The following NFIA variants were observed in gnomAD, a reference collection of about 807,000 sequenced individuals.
NFIA encodes the protein nuclear factor 1 A-type.
A neutral mutation model predicts 62.8 loss-of-function variants in NFIA; 8 were observed. The observed-to-expected ratio is 0.13, with a 90% CI of 0.07 to 0.23. The LOEUF is 0.23. Among genes scored for constraint, NFIA ranks in the 10% least tolerant of loss-of-function variants. NFIA has a pLI of 1.00. For synonymous variants in NFIA, 235 were observed against 238.1 expected (o/e 0.99, Z 0.12); for missense variants, 410 against 642.1 (o/e 0.64, Z 3.91).
intron 1 of NFIA, among the ~76,000 whole-genome samples, chr1:61,087,778 AG>A (rs1646244404): frequency 6.6e-6 from 1 of 152,200 alleles, no homozygotes; most frequent in East Asian, 1.9e-4. Context: ...GGACAAAATT[AG>A]ATATGCCTTC....
intron 6 of NFIA, among the ~76,000 whole-genome samples, chr1:61,382,833 G>C (rs1664486362): frequency 6.6e-6 from 1 of 152,064 alleles, no homozygotes; most frequent in Non-Finnish European, 1.5e-5. Flanking sequence ...AAGTGATTTG[G>C]TGTCAAAGCA....
At chr1:61,101,128 G>C (rs2100435970) in intron 2 of NFIA, among the ~76,000 whole-genome samples, 1 of 152,192 alleles carries the variant, frequency 6.6e-6, no homozygotes, top group East Asian at 1.9e-4. Context: ...AGGCACAGTG[G>C]CTCATGCCTG....
At chr1:61,410,622 A>T (rs1204972705) in intron 9 of NFIA, among the ~76,000 whole-genome samples, 1 of 152,068 alleles carries the variant, frequency 6.6e-6, no homozygotes, top group African/African-American at 2.4e-5. Flanking sequence ...AAATATAGGG[A>T]CTGGGCTTCG....
chr1:61,332,127 A>G (rs1355996012), intron 3 of NFIA, among the ~76,000 whole-genome samples: 2 of 152,220 alleles, frequency 1.3e-5, no homozygotes, highest in Non-Finnish European at 2.9e-5. Context: ...TTAGAGAATA[A>G]TGTTTAAAAA....
intron 2 of NFIA, among the ~76,000 whole-genome samples, chr1:61,221,897 C>T (rs986852591): frequency 3.9e-5 from 6 of 151,990 alleles, no homozygotes; most frequent in African/African-American, 1.2e-4. Context: ...GATAATGATT[C>T]GGTAATAATG....
chr1:61,281,362 A>G (rs1272503563), intron 3 of NFIA, among the ~76,000 whole-genome samples: 1 of 152,244 alleles, frequency 6.6e-6, no homozygotes, highest in Non-Finnish European at 1.5e-5. Flanking sequence ...AAGGAAGGTT[A>G]CCATTACTAC....
intron 3 of NFIA, among the ~76,000 whole-genome samples, chr1:61,296,725 G>A (rs1659208105): frequency 6.6e-6 from 1 of 151,996 alleles, no homozygotes; most frequent in East Asian, 1.9e-4. Context: ...TTACCCACCT[G>A]TAACTTTAAG....
intron 2 of NFIA, among the ~76,000 whole-genome samples, chr1:61,212,346 A>C (rs1480556400): frequency 6.6e-6 from 1 of 152,240 alleles, no homozygotes; most frequent in Non-Finnish European, 1.5e-5. Flanking sequence ...ACAGTGTAAT[A>C]TTAATCTATA....
chr1:61,197,532 C>T (rs1330349887), intron 2 of NFIA, among the ~76,000 whole-genome samples: 1 of 151,464 alleles, frequency 6.6e-6, no homozygotes, highest in South Asian at 2.1e-4. Context: ...CCACCGCACC[C>T]GGCCACTACT....
At chr1:61,441,343 CTG>C (rs778651932) in intron 10 of NFIA, among the ~76,000 whole-genome samples, 2 of 141,336 alleles carry the variant, frequency 1.4e-5, no homozygotes, top group Non-Finnish European at 3.2e-5. Flanking sequence ...GTCTGTCTGT[CTG>C]TCTGTCTGTG....
In NFIA at chr1:61,293,612, TCTTTGGCATCCAC is replaced by T. The variant is rs376606021; in HGVS notation, c.625+16032_625+16044del. On this transcript the variant is annotated intron_variant, in intron 3 of 10. Coordinates refer to ENST00000403491, the MANE Select transcript of NFIA (RefSeq NM_001134673.4). ...ATGGAGATGAAATTAAAATGTGACT[TCTTTGGCATCCAC>T]CTTTCGAACCTAGGCCTTCCCCACT... 1.9e-3 allele frequency among the ~76,000 whole-genome samples: 296 copies of T among 152,306 alleles called. 2 individuals carry two copies. Among genetic ancestry groups the T allele is most frequent in the African/African-American group, 6.8e-3 (283 of 41,570 alleles).
chr1:61,263,654 A>G (rs1656915267), intron 2 of NFIA, among the ~76,000 whole-genome samples: 1 of 152,190 alleles, frequency 6.6e-6, no homozygotes, highest in Non-Finnish European at 1.5e-5. Flanking sequence ...GAGACACTCC[A>G]TGTTCTCACC....
intron 2 of NFIA, among the ~76,000 whole-genome samples, chr1:61,103,708 C>T (rs1646550058): frequency 6.6e-6 from 1 of 152,114 alleles, no homozygotes; most frequent in Admixed American, 6.5e-5. Context: ...AACTAGGTAA[C>T]ATATAAAATA....
intron 2 of NFIA, among the ~76,000 whole-genome samples, chr1:61,160,794 G>T (rs901298728): frequency 6.6e-6 from 1 of 152,158 alleles, no homozygotes; most frequent in Non-Finnish European, 1.5e-5. Context: ...TCCCCGAATG[G>T]TTGTCATCAT....
intron 2 of NFIA, among the ~76,000 whole-genome samples, chr1:61,150,789 A>T (rs957449019): frequency 6.6e-6 from 1 of 152,192 alleles, no homozygotes; most frequent in South Asian, 2.1e-4. Flanking sequence ...TTGAACAGTT[A>T]GACTAGAAGG....
At chr1:61,167,870 T>A (rs913954900) in intron 2 of NFIA, among the ~76,000 whole-genome samples, 4 of 152,204 alleles carry the variant, frequency 2.6e-5, no homozygotes, top group African/African-American at 9.6e-5. Context: ...TGGGTATGCC[T>A]GGCAAAACCC....
At chr1:61,081,711 C>T, upstream of NFIA, 1 of 640,150 alleles carries the variant, frequency 1.6e-6, no homozygotes, top group Non-Finnish European at 2.6e-6. Context: ...CCCCGCCCCC[C>T]AAATCCGGTG....
At position 61,082,672 on chromosome 1, in the gene NFIA, T is replaced by TTCTCTC. The variant is rs113913435; in HGVS notation, c.-100_-95dup. ...AGGCTTGATTTTTTTTTCTCCCCCC[T>TTCTCTC]TCTCTCTCTCTCTCTCTCTCTCTCT... On this transcript the variant is annotated 5_prime_UTR_variant, in exon 1 of 11. Coordinates refer to ENST00000403491, the MANE Select transcript of NFIA (RefSeq NM_001134673.4). 2.3e-4 allele frequency: 335 copies of TTCTCTC among 1,446,858 alleles called. No individual in the cohort carries two copies. The highest frequency in any genetic ancestry group is 4.6e-4 in the East Asian group (17 of 37,034). The allele number at this position is 1,446,858 out of a possible 1,614,324, so 89.6% of individuals were successfully genotyped here.
At chr1:61,341,610 C>G (rs572659550) in intron 4 of NFIA, among the ~76,000 whole-genome samples, 1 of 152,072 alleles carries the variant, frequency 6.6e-6, no homozygotes, top group South Asian at 2.1e-4. Context: ...TCCCAGTAGC[C>G]GGGACCACAG....
Sources: allele counts gnomAD v4.1 joint callset (sites outside exome capture counted in the v4.1 genomes callset), GRCh38; gene constraint gnomAD v4.1.1; transcripts MANE v1.5; gene names NCBI Gene and HGNC (gene_info 2026-07-23, HGNC 2026-07-21).